AHDC1: variants seen among roughly 807,000 people sequenced by gnomAD.
AHDC1 encodes transcription factor Gibbin.
AHDC1 carries 7 observed loss-of-function variants against 87.9 expected under a neutral mutation model. That is an observed-to-expected ratio of 0.08 (90% CI 0.05 to 0.15). The LOEUF is 0.15. Ranked by LOEUF, AHDC1 falls within the 10% of genes least tolerant of loss-of-function variation. The pLI, the probability that AHDC1 is intolerant of heterozygous loss-of-function variation, is 1.00. For synonymous variants in AHDC1, 1,051 were observed against 1,006.8 expected (o/e 1.04, Z -0.83); for missense variants, 1,841 against 2,253.2 (o/e 0.82, Z 3.70).
chr1:27,602,878 G>A (rs2089571391), intron 3 of AHDC1, among the ~76,000 whole-genome samples: 1 of 151,348 alleles, frequency 6.6e-6, no homozygotes, highest in African/African-American at 2.4e-5. Flanking sequence ...TGGATCCTAG[G>A]GATTTGGGGG....
chr1:27,591,718 C>G (rs1181516782), intron 3 of AHDC1, among the ~76,000 whole-genome samples: 2 of 152,168 alleles, frequency 1.3e-5, no homozygotes, highest in Non-Finnish European at 2.9e-5. Flanking sequence ...CATACAGACC[C>G]GGATTAATGC....
In AHDC1 at chr1:27,549,292, C is replaced by T. The variant is rs1429211243; in HGVS notation, c.2824G>A (p.Glu942Lys). The stretch of plus-strand genomic sequence containing the variant: ...GGGGGCACCAGCTTGGGGAAGGTCT[C>T]GGCTGCCCGGCAGTCTGAAGCGGCT... ...TPAASDCRAAETFPKLVPPPS... is the reference protein window; with the variant it reads ...TPAASDCRAAKTFPKLVPPPS... The change falls in exon 8 of 9, where the codon GAG becomes AAG. Residue 942 changes from glutamate (E) to lysine (K), a missense_variant. Glu to Lys is a moderately conservative substitution (Grantham distance 56). Transcript: ENST00000673934. 1.9e-6 allele frequency: 3 copies of T among 1,603,758 alleles called. No individual in the cohort carries two copies. Among genetic ancestry groups the T allele is most frequent in the South Asian group, 1.1e-5 (1 of 90,174 alleles).
chr1:27,537,027 T>G (rs1358219907), intron 8 of AHDC1, among the ~76,000 whole-genome samples: 2 of 152,124 alleles, frequency 1.3e-5, no homozygotes, highest in Non-Finnish European at 2.9e-5. Flanking sequence ...GCGTCTCACC[T>G]TCCTCCTCCC....
At chr1:27,546,903 G>A (rs912796968) in intron 8 of AHDC1, among the ~76,000 whole-genome samples, 28 of 152,120 alleles carry the variant, frequency 1.8e-4, no homozygotes, top group Admixed American at 1.7e-3. Context: ...CCTTATCAGC[G>A]TATTTCCTGG....
chr1:27,547,625 G>A lies in AHDC1; in HGVS notation c.4491C>T (p.Ala1497=), dbSNP rs781635710. ...CCAGGTGAGGGGCACTGAGGCACGC[G>A]GCCTCCGTCCTGCCCAGGAAGTCAG... The part of the protein sequence containing the change: ...LLADFLGRTE[A]ACLSAPHLAS... The change falls in exon 8 of 9, where the codon GCC becomes GCT. Residue 1497 remains alanine, a synonymous_variant. Coordinates refer to ENST00000673934, the MANE Select transcript of AHDC1 (RefSeq NM_001371928.1). This position sits in a 1 kb window ranked among gnomAD's most constrained non-coding sequence, Gnocchi z 4.9. 239 of 1,600,422 alleles carry A rather than the reference G, an allele frequency of 1.5e-4. No homozygotes were observed. The highest frequency in any genetic ancestry group is 1.9e-4 in the Non-Finnish European group (227 of 1,174,506).
intron 3 of AHDC1, among the ~76,000 whole-genome samples, chr1:27,599,763 G>GCCACAGGCCAC (rs2089480376): frequency 6.6e-6 from 1 of 152,060 alleles, no homozygotes; most frequent in South Asian, 2.1e-4. Context: ...CGCCCCCCCG[G>GCCACAGGCCAC]GTCCCAAGAA....
At chr1:27,578,578 G>T (rs2088822281) in intron 3 of AHDC1, among the ~76,000 whole-genome samples, 1 of 150,834 alleles carries the variant, frequency 6.6e-6, no homozygotes, top group Admixed American at 6.6e-5. Flanking sequence ...AACAGAGCAA[G>T]ACTCCCTCTC....
intron 8 of AHDC1, among the ~76,000 whole-genome samples, chr1:27,543,330 T>C (rs2019014839): frequency 2.0e-5 from 3 of 152,230 alleles, no homozygotes; most frequent in South Asian, 2.1e-4. Flanking sequence ...TGTCTGGCTC[T>C]ACTTTCCATC....
rs770314289 is a variant in AHDC1 at position 27,547,385 on chromosome 1, C to G, written c.4731G>C (p.Leu1577=). Residue 1577 remains leucine (L), a synonymous_variant, in exon 8 of 9, where the codon CTG becomes CTC. Coordinates refer to ENST00000673934, the MANE Select transcript of AHDC1 (RefSeq NM_001371928.1). This position sits in a 1 kb window ranked among gnomAD's most constrained non-coding sequence, Gnocchi z 4.9. ...GGAAGCCGCTCTTGGGGCCCCCACC[C>G]AGGCCAGGATGCGCCTGGGGCATAA... ...PGFMPQAHPG[L]GGGPKSGFLG... is the part of the protein sequence containing the mutation. The G allele has an allele frequency of 1.3e-6, 2 of 1,558,748 alleles. No homozygotes were observed. Among genetic ancestry groups the G allele is most frequent in the East Asian group, 2.3e-5 (1 of 44,432 alleles).
At position 27,595,404 on chromosome 1, in the gene AHDC1, CA is replaced by C. The variant is rs763049481; in HGVS notation, c.-629+7992del. Among the ~76,000 whole-genome samples, 120 of 148,120 alleles carry C rather than the reference CA, an allele frequency of 8.1e-4. 1 individual carries two copies. Among genetic ancestry groups the C allele is most frequent in the Non-Finnish European group, 5.2e-4 (35 of 67,290 alleles). On this transcript the variant is annotated intron_variant, in intron 3 of 8. Transcript: ENST00000673934. This position sits in a 1 kb window ranked among gnomAD's most constrained non-coding sequence, Gnocchi z 4.0. Reference sequence around the variant, plus strand: ...GTAGCTGGGTCCTGGGTGTATCTGGCAGTGTTGGGGTTGGATAGGGGGTTGA... The same window carrying C: ...GTAGCTGGGTCCTGGGTGTATCTGGCGTGTTGGGGTTGGATAGGGGGTTGA...
chr1:27,548,252 G>C lies in AHDC1; in HGVS notation c.3864C>G (p.Gly1288=), dbSNP rs770191620. 5 of 1,611,900 alleles carry C rather than the reference G, an allele frequency of 3.1e-6. No homozygotes were observed. In the East Asian group the frequency reaches 8.9e-5, roughly 29 times the overall value. ...GACSAKKERG[G]AAAKAKFIPK... ...GGATGAACTTGGCTTTGGCCGCTGC[G>C]CCACCCCGCTCCTTCTTGGCTGAGC... The change falls in exon 8 of 9, where the codon GGC becomes GGG. Residue 1288 remains glycine (G), a synonymous_variant. Coordinates refer to ENST00000673934, the MANE Select transcript of AHDC1 (RefSeq NM_001371928.1).
At chr1:27,575,464 T>TC (rs1230975582) in intron 3 of AHDC1, among the ~76,000 whole-genome samples, 2 of 151,482 alleles carry the variant, frequency 1.3e-5, no homozygotes, top group Non-Finnish European at 2.9e-5. Context: ...CGGCGAGGTC[T>TC]CCCCCCACCA....
At chr1:27,588,769 G>A (rs1343089783) in intron 3 of AHDC1, among the ~76,000 whole-genome samples, 1 of 152,124 alleles carries the variant, frequency 6.6e-6, no homozygotes, top group African/African-American at 2.4e-5. Context: ...ACATGTACGT[G>A]TGTGTTTGTA....
At chr1:27,544,236 G>C (rs564575844) in intron 8 of AHDC1, among the ~76,000 whole-genome samples, 4 of 152,140 alleles carry the variant, frequency 2.6e-5, no homozygotes, top group African/African-American at 9.7e-5. Flanking sequence ...GTGAGGCAGC[G>C]TTACATAAAG....
chr1:27,564,097 C>G (rs1189881521), intron 3 of AHDC1, among the ~76,000 whole-genome samples: 1 of 152,200 alleles, frequency 6.6e-6, no homozygotes, highest in Non-Finnish European at 1.5e-5. Context: ...CCTCTCCAAA[C>G]TTCAGGCCAC....
rs1380353898 is a variant in AHDC1, at chr1:27,593,343, T to C, written c.-629+10054A>G. Among the ~76,000 whole-genome samples the C allele has an allele frequency of 6.6e-6, 1 of 151,760 alleles. No individual in the cohort carries two copies. The highest frequency in any genetic ancestry group is 6.6e-5 in the Admixed American group (1 of 15,262). On this transcript the variant is annotated intron_variant, in intron 3 of 8. Coordinates refer to ENST00000673934, the MANE Select transcript of AHDC1 (RefSeq NM_001371928.1). This position sits in a 1 kb window ranked among gnomAD's most constrained non-coding sequence, Gnocchi z 4.9. The stretch of plus-strand genomic sequence containing the variant: ...TCTTTAAAATTCCTCCAGCCCAACC[T>C]CTCTCCCTCTCTCCCTGCAGTGAAT...
At chr1:27,542,816 T>A (rs769434558) in intron 8 of AHDC1, among the ~76,000 whole-genome samples, 17 of 152,110 alleles carry the variant, frequency 1.1e-4, no homozygotes, top group Non-Finnish European at 2.2e-4. Context: ...GAGATTACAT[T>A]TTCAGGAAAT....
At position 27,550,806 on chromosome 1, in the gene AHDC1, G is replaced by T. The variant is rs2019501011; in HGVS notation, c.1310C>A (p.Pro437His). ...AEPPPPPPPP[P>H]PALPGPGPVS... is the part of the protein sequence containing the mutation. ...CGGGCCTGGGCCTGGCAGGGCAGGG[G>T]GTGGAGGAGGCGGTGGTGGTGGGGG... Residue 437 changes from proline (P) to histidine (H), a missense_variant, in exon 8 of 9, where the codon CCC becomes CAC. Physicochemically the swap from Pro to His is moderately conservative, Grantham distance 77. This residue lies in a region of AHDC1 where 370 missense variants were observed against 391.5 expected (regional missense o/e 0.95). Coordinates refer to ENST00000673934, the MANE Select transcript of AHDC1 (RefSeq NM_001371928.1). 7 of 1,565,748 alleles carry T rather than the reference G, an allele frequency of 4.5e-6. No individual in the cohort carries two copies. The highest frequency in any genetic ancestry group is 6.1e-6 in the Non-Finnish European group (7 of 1,156,576).
At position 27,552,149 on chromosome 1, in the gene AHDC1, G is replaced by T; in HGVS notation, c.-34C>A. ...TGTCCTCCGCAGGCCGCCGGGCGGGGCCGGGGCTGACATGAGGGTGCGAGA... is the reference window on the plus strand; with the variant it reads ...TGTCCTCCGCAGGCCGCCGGGCGGGTCCGGGGCTGACATGAGGGTGCGAGA... On this transcript the variant is annotated 5_prime_UTR_variant, in exon 8 of 9. Coordinates refer to ENST00000673934, the MANE Select transcript of AHDC1 (RefSeq NM_001371928.1). 1 of 1,437,218 alleles carries T rather than the reference G, an allele frequency of 7.0e-7. No homozygotes were observed. The allele number at this position is 1,437,218 out of a possible 1,614,324, so 89.0% of individuals were successfully genotyped here. A position where few individuals can be genotyped will look rare whatever the true frequency, so the allele number is the denominator to read the frequency against.
Sources: gnomAD v4.1 joint callset for allele counts (sites outside exome capture counted in the v4.1 genomes callset) on GRCh38, gnomAD v4.1.1 for gene constraint, gnomAD v4.1.1 regional missense constraint, Gnocchi (gnomAD v3.1) non-coding constraint, MANE v1.5 for transcripts, NCBI Gene and HGNC (gene_info 2026-07-23, HGNC 2026-07-21) for gene names.